Variants in MYT1 observed in about 807,000 individuals in gnomAD.
MYT1 encodes the protein myelin transcription factor I.
A neutral mutation model predicts 123.0 loss-of-function variants in MYT1; 23 were observed. That is an observed-to-expected ratio of 0.19 (90% CI 0.13 to 0.26). The LOEUF is 0.26. Among genes scored for constraint, MYT1 ranks in the 10% least tolerant of loss-of-function variants. MYT1 has a pLI of 1.00. For missense variants in MYT1, 1,125 were observed against 1,472.5 expected (o/e 0.76, Z 3.86); for synonymous variants, 518 against 575.3 (o/e 0.90, Z 1.43).
rs1246742764 is a variant in MYT1, at chr20:64,192,723, A to G, written c.-1+2563A>G. ...GAGATATGGAATCAAGGAAAAGATC[A>G]GTTGCATGGCCATTCAGCCAACCCT... On this transcript the variant is annotated intron_variant, in intron 2 of 22. Transcript: ENST00000328439. This position sits in a 1 kb window ranked among gnomAD's most constrained non-coding sequence, Gnocchi z 5.3. 6.6e-6 allele frequency among the ~76,000 whole-genome samples: 1 copy of G among 152,220 alleles called. No homozygotes were observed.
At chr20:64,219,641 G>T in intron 12 of MYT1, 72 bp from the exon 13 acceptor site, 1 of 1,352,010 alleles carries the variant, frequency 7.4e-7, no homozygotes, top group South Asian at 1.3e-5. Flanking sequence ...CTGTACGTTT[G>T]ATTCAAATGG....
chr20:64,230,536 A>C (rs2983429), intron 18 of MYT1, among the ~76,000 whole-genome samples: 4,963 of 152,292 alleles, frequency 0.033, 279 homozygotes, highest in African/African-American at 0.11. Flanking sequence ...ACTACTACTA[A>C]TAATAATTCA....
Position 64,232,446 on chromosome 20 carries a change from TG to T in MYT1, c.2897+65del. ...TCAGTAGGGACCCTCGCCTGGGGCCTGGGGCTGAAGCTCCTGAGGGAGGGCC... is the reference window on the plus strand; with the variant it reads ...TCAGTAGGGACCCTCGCCTGGGGCCTGGGCTGAAGCTCCTGAGGGAGGGCC... On this transcript the variant is annotated intron_variant, in intron 19 of 22. Coordinates refer to ENST00000328439, the MANE Select transcript of MYT1 (RefSeq NM_004535.3). This position sits in a 1 kb window ranked among gnomAD's most constrained non-coding sequence, Gnocchi z 6.9. 6.5e-7 allele frequency: 1 copy of T among 1,543,552 alleles called. No individual in the cohort carries two copies.
At chr20:64,195,328 G>C (rs1601707679) in intron 2 of MYT1, among the ~76,000 whole-genome samples, 1 of 150,500 alleles carries the variant, frequency 6.6e-6, no homozygotes, top group African/African-American at 2.5e-5. Flanking sequence ...AAAGGGGCTG[G>C]TCTTCGTACC....
chr20:64,169,220 G>C (rs1982171563), intron 1 of MYT1, among the ~76,000 whole-genome samples: 1 of 152,134 alleles, frequency 6.6e-6, no homozygotes, highest in African/African-American at 2.4e-5. Context: ...GGTGCACCAA[G>C]GCCTGCTTTA....
chr20:64,171,705 G>A (rs1982289988), intron 1 of MYT1, among the ~76,000 whole-genome samples: 4 of 135,458 alleles, frequency 3.0e-5, no homozygotes, highest in African/African-American at 1.1e-4. Flanking sequence ...CTAACCTCTG[G>A]CATCTGGAGG....
chr20:64,171,995 G>A (rs999711339), intron 1 of MYT1, among the ~76,000 whole-genome samples: 1 of 152,178 alleles, frequency 6.6e-6, no homozygotes, highest in African/African-American at 2.4e-5. Flanking sequence ...CCCTGGACCT[G>A]GTGAGCTCTC....
intron 12 of MYT1, among the ~76,000 whole-genome samples, chr20:64,219,281 T>C (rs1300081977): frequency 1.3e-5 from 2 of 152,164 alleles, no homozygotes; most frequent in Non-Finnish European, 2.9e-5. Flanking sequence ...AGTTCCCACG[T>C]GTTAGGTTGT....
chr20:64,222,092 G>C lies in MYT1; in HGVS notation c.2396+45G>C, dbSNP rs867943222. On this transcript the variant is annotated intron_variant, in intron 14 of 22. Transcript: ENST00000328439. ...GCACAGCTCCTAGGGGACCCTCTGT[G>C]GCCTGGGGAGGAACAGGCCCTGGTC... The C allele has an allele frequency of 1.9e-6, 3 of 1,605,706 alleles. No homozygotes were observed. In the African/African-American group the frequency reaches 4.0e-5, roughly 21 times the overall value.
In MYT1 at chr20:64,219,822, G is replaced by A. The variant is rs756892784; in HGVS notation, c.2081G>A (p.Gly694Asp). Residue 694 changes from glycine (G) to aspartate (D), a missense_variant, in exon 13 of 23, where the codon GGT becomes GAT. Gly to Asp is a moderately conservative substitution (Grantham distance 94). Around this residue, in one of 4 missense-constraint regions of MYT1, gnomAD observed 429 missense variants for 604.1 expected, o/e 0.71. Coordinates refer to ENST00000328439, the MANE Select transcript of MYT1 (RefSeq NM_004535.3). ...AGCAGCAGCTGCAGCAGCAGCCCCG[G>A]TGTGAAGTCTCCCGACGCCTCCCAG... is the stretch of plus-strand genomic sequence containing the variant. ...PSSSSCSSSP[G>D]VKSPDASQRH... 39 of 1,613,292 alleles carry A rather than the reference G, an allele frequency of 2.4e-5. No individual in the cohort carries two copies. The highest frequency in any genetic ancestry group is 3.3e-5 in the Non-Finnish European group (39 of 1,179,772).
intron 1 of MYT1, among the ~76,000 whole-genome samples, chr20:64,172,620 G>C (rs1226919657): frequency 6.6e-6 from 1 of 152,192 alleles, no homozygotes; most frequent in African/African-American, 2.4e-5. Flanking sequence ...GAAAATGCTG[G>C]AGCAGAATTC....
chr20:64,235,454 C>T (rs1294463837), intron 19 of MYT1, among the ~76,000 whole-genome samples: 46 of 125,190 alleles, frequency 3.7e-4, no homozygotes, highest in Non-Finnish European at 5.4e-4. Flanking sequence ...CTGGGATGGC[C>T]GCGGTGGGTG....
chr20:64,166,063 C>G lies in MYT1; in HGVS notation c.-99+1324C>G, dbSNP rs555636851. Among the ~76,000 whole-genome samples, 1 of 152,144 alleles carries G rather than the reference C, an allele frequency of 6.6e-6. No individual in the cohort carries two copies. Among genetic ancestry groups the G allele is most frequent in the African/African-American group, 2.4e-5 (1 of 41,424 alleles). On this transcript the variant is annotated intron_variant, in intron 1 of 22. Coordinates refer to ENST00000328439, the MANE Select transcript of MYT1 (RefSeq NM_004535.3). This position sits in a 1 kb window ranked among gnomAD's most constrained non-coding sequence, Gnocchi z 4.9. ...AGGGCTGACTGAGGGAGGCTCCCCT[C>G]GGCCCCCAGCCTCCCTGCCACCCCG...
chr20:64,239,632 G>A, intron 21 of MYT1, 128 bp from the exon 22 acceptor site: 4 of 1,363,826 alleles, frequency 2.9e-6, no homozygotes, highest in Non-Finnish European at 2.0e-6. Flanking sequence ...GGAAGGCAGG[G>A]TCCCTGCCTC....
intron 6 of MYT1, among the ~76,000 whole-genome samples, chr20:64,206,591 G>A (rs1983494099): frequency 1.3e-5 from 2 of 152,192 alleles, no homozygotes; most frequent in South Asian, 4.1e-4. Flanking sequence ...CTGCAGTGGG[G>A]AAGGGTCTGA....
intron 1 of MYT1, among the ~76,000 whole-genome samples, chr20:64,187,402 CCGGCA>C (rs1325970457): frequency 7.9e-5 from 12 of 151,516 alleles, no homozygotes; most frequent in South Asian, 2.1e-4. Context: ...GCACGTGGCC[CCGGCA>C]TCCACGTTTC....
intron 2 of MYT1, among the ~76,000 whole-genome samples, chr20:64,195,258 T>A (rs541469257): frequency 1.3e-5 from 2 of 152,228 alleles, no homozygotes; most frequent in South Asian, 4.2e-4. Context: ...TTCCTGAGTT[T>A]GTAAACACCC....
At position 64,168,936 on chromosome 20, in the gene MYT1, C is replaced by T. The variant is rs958671932; in HGVS notation, c.-99+4197C>T. 1.5e-4 allele frequency among the ~76,000 whole-genome samples: 23 copies of T among 152,222 alleles called. No homozygotes were observed. Among genetic ancestry groups the T allele is most frequent in the African/African-American group, 5.5e-4 (23 of 41,460 alleles). Reference sequence around the variant, plus strand: ...AGATGAGCCTGCTGGCCCCACCTCTCTCTCACGCCTGGCTTCACACCTCCA... The same window carrying T: ...AGATGAGCCTGCTGGCCCCACCTCTTTCTCACGCCTGGCTTCACACCTCCA... On this transcript the variant is annotated intron_variant, in intron 1 of 22. Coordinates refer to ENST00000328439, the MANE Select transcript of MYT1 (RefSeq NM_004535.3). This position sits in a 1 kb window ranked among gnomAD's most constrained non-coding sequence, Gnocchi z 6.1.
At position 64,212,942 on chromosome 20, in the gene MYT1, C is replaced by G. The variant is rs118171690; in HGVS notation, c.1518-592C>G. Among the ~76,000 whole-genome samples, 3,301 of 152,268 alleles carry G rather than the reference C, an allele frequency of 0.022. 44 individuals carry two copies. Among genetic ancestry groups the G allele is most frequent in the Non-Finnish European group, 0.034 (2,317 of 68,010 alleles). On this transcript the variant is annotated intron_variant, in intron 9 of 22. Coordinates refer to ENST00000328439, the MANE Select transcript of MYT1 (RefSeq NM_004535.3). This position sits in a 1 kb window ranked among gnomAD's most constrained non-coding sequence, Gnocchi z 6.8. ...CTTCATTTGAAAAGAGGCCAGTTCC[C>G]CATTACGTCACCTCCCTGGGCTGGC...
Sources: allele counts gnomAD v4.1 joint callset (sites outside exome capture counted in the v4.1 genomes callset), GRCh38; gene constraint gnomAD v4.1.1; regional missense constraint gnomAD v4.1.1; non-coding constraint Gnocchi (gnomAD v3.1); transcripts MANE v1.5; gene names NCBI Gene and HGNC (gene_info 2026-07-23, HGNC 2026-07-21).